The following FAM241A variants were observed in gnomAD, a reference collection of about 807,000 sequenced individuals.
FAM241A encodes the protein family with sequence similarity 241 member A.
In FAM241A, 7 loss-of-function variants were observed where a neutral mutation model predicts 12.2. The observed-to-expected ratio is 0.58, with a 90% CI of 0.33 to 1.08. FAM241A has a LOEUF of 1.08. Among genes scored for constraint, FAM241A ranks in the 50% least tolerant of loss-of-function variants. The pLI is 0.04. For missense variants in FAM241A, 161 were observed against 169.7 expected (o/e 0.95, Z 0.29); for synonymous variants, 74 against 68.2 (o/e 1.08, Z -0.42).
chr4:112,188,192 A>G lies in FAM241A; in HGVS notation c.*1254A>G, dbSNP rs959742360. 6.6e-6 allele frequency: 1 copy of G among 152,272 alleles called. No homozygotes were observed. The highest frequency in any genetic ancestry group is 2.4e-5 in the African/African-American group (1 of 41,572). 9.4% of individuals were successfully genotyped at this position (152,272 alleles called of 1,614,324 possible). A position where few individuals can be genotyped will look rare whatever the true frequency, so the allele number is the denominator to read the frequency against. On this transcript the variant is annotated 3_prime_UTR_variant, in exon 2 of 2. Transcript: ENST00000309733. Reference sequence around the variant, plus strand: ...TACACTTTCATCTCAAAGATTATAAAGGAAAGGGGGGTAGTTAAGATTTAG... The same window carrying G: ...TACACTTTCATCTCAAAGATTATAAGGGAAAGGGGGGTAGTTAAGATTTAG...
chr4:112,166,044 G>A (rs1284169495), intron 1 of FAM241A, among the ~76,000 whole-genome samples: 1 of 146,572 alleles, frequency 6.8e-6, no homozygotes, highest in African/African-American at 2.6e-5. Context: ...TATGTACTCA[G>A]AATTTTTTTT....
chr4:112,186,038 A>T (rs985360986), intron 1 of FAM241A, among the ~76,000 whole-genome samples: 93 of 152,276 alleles, frequency 6.1e-4, no homozygotes, highest in African/African-American at 2.2e-3. Context: ...TCATGGCCTT[A>T]ATTATAATAC....
rs555852746 is a variant in FAM241A at position 112,192,113 on chromosome 4, T to C, written c.*5175T>C. 10 of 152,296 alleles carry C rather than the reference T, an allele frequency of 6.6e-5. No homozygotes were observed. Among genetic ancestry groups the C allele is most frequent in the African/African-American group, 2.4e-4 (10 of 41,530 alleles). The allele number at this position is 152,296 out of a possible 1,614,324, so 9.4% of individuals were successfully genotyped here. ...GTATACATTATAATTTATAAAGCTA[T>C]TCACTTCTGATAAAAGAATACTGCT... On this transcript the variant is annotated 3_prime_UTR_variant, in exon 2 of 2. Transcript: ENST00000309733.
rs560324079 is a variant in FAM241A at position 112,148,975 on chromosome 4, T to C, written c.153+3242T>C. Among the ~76,000 whole-genome samples the C allele has an allele frequency of 3.3e-3, 505 of 152,330 alleles. 3 individuals are homozygous for C. The highest frequency in any genetic ancestry group is 0.011 in the African/African-American group (455 of 41,572). Reference sequence around the variant, plus strand: ...TATCCTTAGATTGACTTTCGAATTATTAACTCTAGCTTTAACGTCTTTATG... The same window carrying C: ...TATCCTTAGATTGACTTTCGAATTACTAACTCTAGCTTTAACGTCTTTATG... On this transcript the variant is annotated intron_variant, in intron 1 of 1. Transcript: ENST00000309733.
rs1349430508 is a variant in FAM241A, at chr4:112,189,354, G to C, written c.*2416G>C. The C allele has an allele frequency of 9.0e-6, 1 of 110,656 alleles. No homozygotes were observed. Among genetic ancestry groups the C allele is most frequent in the Admixed American group, 1.3e-4 (1 of 7,736 alleles). The allele number at this position is 110,656 out of a possible 1,614,324, so 6.9% of individuals were successfully genotyped here. A position where few individuals can be genotyped will look rare whatever the true frequency, so the allele number is the denominator to read the frequency against. ...GAGCACTCCAGCACTCTGGGTAACAGAGTGAGACCCCATCTCAAAAAAAAA... is the reference window on the plus strand; with the variant it reads ...GAGCACTCCAGCACTCTGGGTAACACAGTGAGACCCCATCTCAAAAAAAAA... On this transcript the variant is annotated 3_prime_UTR_variant, in exon 2 of 2. Transcript: ENST00000309733.
chr4:112,161,734 A>T (rs1007273299), intron 1 of FAM241A, among the ~76,000 whole-genome samples: 1 of 152,220 alleles, frequency 6.6e-6, no homozygotes, highest in Non-Finnish European at 1.5e-5. Context: ...AGAGGTACAA[A>T]GAGGAGCTGG....
chr4:112,153,873 G>T (rs1019867921), intron 1 of FAM241A, among the ~76,000 whole-genome samples: 1 of 152,172 alleles, frequency 6.6e-6, no homozygotes, highest in African/African-American at 2.4e-5. Flanking sequence ...TAAACATAAT[G>T]TTAAGAAAGT....
chr4:112,151,798 T>C (rs973438479), intron 1 of FAM241A, among the ~76,000 whole-genome samples: 1 of 152,228 alleles, frequency 6.6e-6, no homozygotes, highest in African/African-American at 2.4e-5. Flanking sequence ...CTGTAGGTCC[T>C]ACAGCTAACT....
chr4:112,162,213 G>A (rs564244416), intron 1 of FAM241A, among the ~76,000 whole-genome samples: 1 of 152,238 alleles, frequency 6.6e-6, no homozygotes, highest in Admixed American at 6.5e-5. Context: ...ATACTGAATG[G>A]ACAAAAACTG....
At position 112,189,461 on chromosome 4, in the gene FAM241A, C is replaced by A. The variant is rs1208003033; in HGVS notation, c.*2523C>A. On this transcript the variant is annotated 3_prime_UTR_variant, in exon 2 of 2. Coordinates refer to ENST00000309733, the MANE Select transcript of FAM241A (RefSeq NM_152400.3). Reference sequence around the variant, plus strand: ...AAGCCAGTTTTAGAAACTGTTATTGCTTATGAATAAAGAAATAGAAGTTAC... The same window carrying A: ...AAGCCAGTTTTAGAAACTGTTATTGATTATGAATAAAGAAATAGAAGTTAC... 6.6e-6 allele frequency: 1 copy of A among 151,168 alleles called. No homozygotes were observed. Among genetic ancestry groups the A allele is most frequent in the Non-Finnish European group, 1.5e-5 (1 of 67,882 alleles). 9.4% of individuals were successfully genotyped at this position (151,168 alleles called of 1,614,324 possible). A position where few individuals can be genotyped will look rare whatever the true frequency, so the allele number is the denominator to read the frequency against.
rs560926938 is a variant in FAM241A, at chr4:112,181,324, G to A, written c.154-5369G>A. Among the ~76,000 whole-genome samples, 6 of 147,212 alleles carry A rather than the reference G, an allele frequency of 4.1e-5. No individual in the cohort carries two copies. In the East Asian group the frequency reaches 1.3e-3, roughly 33 times the overall value. On this transcript the variant is annotated intron_variant, in intron 1 of 1. Transcript: ENST00000309733. ...GAAAATAGTGCCCATCTTTGGTTTG[G>A]CCAAAAAAAAAAAGGAGCAAAGTAG...
At chr4:112,177,310 GCTTAT>G (rs1344562380) in intron 1 of FAM241A, among the ~76,000 whole-genome samples, 1 of 152,056 alleles carries the variant, frequency 6.6e-6, no homozygotes, top group East Asian at 1.9e-4. Context: ...TATTTATATA[GCTTAT>G]CTTTTCAGAG....
rs1413899513 is a variant in FAM241A at position 112,191,527 on chromosome 4, C to G, written c.*4589C>G. On this transcript the variant is annotated 3_prime_UTR_variant, in exon 2 of 2. Transcript: ENST00000309733. ...TACCTCATCTCTCTATACTGCCACT[C>G]TCCATTTCCAGGATTCAACTATACT... is the stretch of plus-strand genomic sequence containing the variant. 6.6e-6 allele frequency: 1 copy of G among 152,246 alleles called. No individual in the cohort carries two copies. Among genetic ancestry groups the G allele is most frequent in the Non-Finnish European group, 1.5e-5 (1 of 68,050 alleles). The allele number at this position is 152,246 out of a possible 1,614,324, so 9.4% of individuals were successfully genotyped here. A position where few individuals can be genotyped will look rare whatever the true frequency, so the allele number is the denominator to read the frequency against.
intron 1 of FAM241A, among the ~76,000 whole-genome samples, chr4:112,154,816 T>G (rs1723318781): frequency 6.6e-6 from 1 of 152,028 alleles, no homozygotes; most frequent in South Asian, 2.1e-4. Flanking sequence ...GCGGGTCACC[T>G]GAGGCCAGGA....
chr4:112,145,758 G>A (rs1182229298), intron 1 of FAM241A, 25 bp downstream of exon 1: 1 of 1,132,916 alleles, frequency 8.8e-7, no homozygotes, highest in African/African-American at 1.6e-5. Flanking sequence ...GGGCGGCGGC[G>A]AAGCGGCCGG....
chr4:112,175,682 C>T (rs187192414), intron 1 of FAM241A, among the ~76,000 whole-genome samples: 2,413 of 151,850 alleles, frequency 0.016, 28 homozygotes, highest in Non-Finnish European at 0.025. Flanking sequence ...GCAGGAGAAT[C>T]GCTTGAACCC....
At chr4:112,161,003 A>G (rs758010907) in intron 1 of FAM241A, among the ~76,000 whole-genome samples, 34 of 152,232 alleles carry the variant, frequency 2.2e-4, no homozygotes, top group Non-Finnish European at 3.8e-4. Flanking sequence ...GTTTGGACAA[A>G]AAATTCTTAA....
chr4:112,153,273 ACTATTCTCAGTTTC>A (rs1482700820), intron 1 of FAM241A, among the ~76,000 whole-genome samples: 2 of 152,182 alleles, frequency 1.3e-5, no homozygotes, highest in Non-Finnish European at 2.9e-5. Context: ...CTCTGTACAA[ACTATTCTCAGTTTC>A]CTATTCAAAA....
At chr4:112,165,439 G>C (rs976571998) in intron 1 of FAM241A, among the ~76,000 whole-genome samples, 1 of 150,900 alleles carries the variant, frequency 6.6e-6, no homozygotes, top group Non-Finnish European at 1.5e-5. Context: ...GTATCTCAAA[G>C]AGATATCTAC....
Sources: gnomAD v4.1 joint callset for allele counts (sites outside exome capture counted in the v4.1 genomes callset) on GRCh38, gnomAD v4.1.1 for gene constraint, MANE v1.5 for transcripts, NCBI Gene and HGNC (gene_info 2026-07-23, HGNC 2026-07-21) for gene names.